TMEM178B: variants seen among roughly 807,000 people sequenced by gnomAD.
TMEM178B encodes transmembrane protein 178B.
In TMEM178B, 5 loss-of-function variants were observed where a neutral mutation model predicts 31.0. The observed-to-expected ratio is 0.16, with a 90% confidence interval of 0.08 to 0.34. TMEM178B has a LOEUF of 0.34. TMEM178B is among the 10% of genes least tolerant of loss of function. The pLI is 1.00. For synonymous variants in TMEM178B, 164 were observed against 164.0 expected, an observed-to-expected ratio of 1.00 and a Z score of 0.00; for missense variants, 275 against 400.3, an observed-to-expected ratio of 0.69 and a Z score of 2.67.
chr7:141,142,411 CTT>C (rs536091548), intron 1 of TMEM178B, among the ~76,000 whole-genome samples: 19 of 137,190 alleles, frequency 1.4e-4, no homozygotes, highest in Admixed American at 3.6e-4. Context: ...TCTTTTCTTT[CTT>C]TTTTTTTTTT....
At chr7:141,165,657 T>C (rs1288860412) in intron 1 of TMEM178B, among the ~76,000 whole-genome samples, 1 of 152,214 alleles carries the variant, frequency 6.6e-6, no homozygotes, top group Non-Finnish European at 1.5e-5. Flanking sequence ...TTCAAAGGCA[T>C]GTTCCTGGAA....
rs371322155 is a variant in TMEM178B, at chr7:141,356,181, CA to C, written c.497-81424del. ...TGTGAATAGTGCTGTGATGAACATACAAATGCATGTATTTTTTTGTAGAATG... is the reference window on the plus strand; with the variant it reads ...TGTGAATAGTGCTGTGATGAACATACAATGCATGTATTTTTTTGTAGAATG... On this transcript the variant is annotated intron_variant, in intron 2 of 3. Transcript: ENST00000565468. Among the ~76,000 whole-genome samples the C allele has an allele frequency of 4.8e-3, 735 of 152,270 alleles. 9 individuals are homozygous for C. The highest frequency in any genetic ancestry group is 0.017 in the African/African-American group (697 of 41,558).
At position 141,479,647 on chromosome 7, in the gene TMEM178B, T is replaced by C. The variant is rs1802438847; in HGVS notation, c.*8861T>C. 1 of 152,210 alleles carries C rather than the reference T, an allele frequency of 6.6e-6. No individual in the cohort carries two copies. Among genetic ancestry groups the C allele is most frequent in the Admixed American group, 6.5e-5 (1 of 15,278 alleles). The allele number at this position is 152,210 out of a possible 1,614,324, so 9.4% of individuals were successfully genotyped here. A position where few individuals can be genotyped will look rare whatever the true frequency, so the allele number is the denominator to read the frequency against. ...TTAAAATATAACATTCTGAGCCCTG[T>C]GTTACTGAGCAAAAATGAGCTGATT... On this transcript the variant is annotated 3_prime_UTR_variant, in exon 4 of 4. Coordinates refer to ENST00000565468, the MANE Select transcript of TMEM178B (RefSeq NM_001195278.2).
At chr7:141,336,942 C>G (rs62642068) in intron 2 of TMEM178B, among the ~76,000 whole-genome samples, 15 of 117,800 alleles carry the variant, frequency 1.3e-4, no homozygotes, top group African/African-American at 4.5e-4. Context: ...ATCACCACCA[C>G]CATCACCACC....
At chr7:141,397,584 C>T (rs879374076) in intron 2 of TMEM178B, among the ~76,000 whole-genome samples, 2 of 152,160 alleles carry the variant, frequency 1.3e-5, no homozygotes, top group South Asian at 2.1e-4. Context: ...AGTAAATACC[C>T]GTCAGCCCAT....
intron 3 of TMEM178B, among the ~76,000 whole-genome samples, chr7:141,462,274 A>G (rs1314232880): frequency 4.6e-5 from 7 of 152,198 alleles, no homozygotes; most frequent in Non-Finnish European, 1.0e-4. Context: ...AAGACTTTGA[A>G]GGAATAAAAT....
At chr7:141,381,856 C>T (rs1281860136) in intron 2 of TMEM178B, among the ~76,000 whole-genome samples, 1 of 152,114 alleles carries the variant, frequency 6.6e-6, no homozygotes, top group Non-Finnish European at 1.5e-5. Context: ...CTAGAATGTT[C>T]CCCATTTTTA....
chr7:141,229,973 T>G (rs1464820005), intron 2 of TMEM178B, among the ~76,000 whole-genome samples: 1 of 152,252 alleles, frequency 6.6e-6, no homozygotes, highest in Non-Finnish European at 1.5e-5. Context: ...TTATACTTTA[T>G]AATTTTGTAT....
intron 2 of TMEM178B, among the ~76,000 whole-genome samples, chr7:141,313,563 C>G (rs1237659859): frequency 3.9e-5 from 6 of 152,308 alleles, no homozygotes; most frequent in African/African-American, 1.4e-4. Flanking sequence ...AGAATGAAGG[C>G]ATTAATTCCT....
Position 141,461,094 on chromosome 7 carries a change from C to T in TMEM178B, c.635-9442C>T, listed in dbSNP as rs563366521. 2.3e-4 allele frequency among the ~76,000 whole-genome samples: 35 copies of T among 152,282 alleles called. No individual in the cohort carries two copies. Among genetic ancestry groups the T allele is most frequent in the African/African-American group, 7.0e-4 (29 of 41,542 alleles). ...GTTTTGTATCATCTACTTCCCAGGACGGATGTGCCACTGTTGAAGGAGGAG... is the reference window on the plus strand; with the variant it reads ...GTTTTGTATCATCTACTTCCCAGGATGGATGTGCCACTGTTGAAGGAGGAG... On this transcript the variant is annotated intron_variant, in intron 3 of 3. Transcript: ENST00000565468. The surrounding 1 kb of genome is among the most constrained non-coding windows in gnomAD (Gnocchi z 4.0).
intron 3 of TMEM178B, among the ~76,000 whole-genome samples, chr7:141,446,698 T>C (rs1213881862): frequency 2.6e-5 from 4 of 152,152 alleles, no homozygotes; most frequent in African/African-American, 7.2e-5. Flanking sequence ...GGAAAGTTTC[T>C]TATCCATTTT....
At chr7:141,291,733 G>A (rs1025657701) in intron 2 of TMEM178B, among the ~76,000 whole-genome samples, 8 of 151,864 alleles carry the variant, frequency 5.3e-5, no homozygotes, top group South Asian at 2.1e-4. Context: ...GACAACAAAC[G>A]CCTTTTGGTC....
chr7:141,284,736 A>G (rs1798416570), intron 2 of TMEM178B, among the ~76,000 whole-genome samples: 1 of 152,206 alleles, frequency 6.6e-6, no homozygotes. Flanking sequence ...TGAATGACCA[A>G]CAACACTACT....
intron 2 of TMEM178B, among the ~76,000 whole-genome samples, chr7:141,338,920 T>C (rs1799470135): frequency 6.6e-6 from 1 of 152,180 alleles, no homozygotes; most frequent in South Asian, 2.1e-4. Flanking sequence ...AACTGTGCAA[T>C]GGGGAGCTAC....
chr7:141,139,238 T>C (rs1338540914), intron 1 of TMEM178B, among the ~76,000 whole-genome samples: 4 of 152,226 alleles, frequency 2.6e-5, no homozygotes, highest in African/African-American at 4.8e-5. Context: ...TATGCAAAGA[T>C]GAGTTTGGTT....
chr7:141,324,439 T>TTG (rs1799154720), intron 2 of TMEM178B, among the ~76,000 whole-genome samples: 1 of 126,046 alleles, frequency 7.9e-6, no homozygotes, highest in African/African-American at 2.8e-5. Context: ...TTTTTTTTTT[T>TTG]TTTTTTTTTT....
At chr7:141,245,226 G>A (rs1259908181) in intron 2 of TMEM178B, among the ~76,000 whole-genome samples, 3 of 144,700 alleles carry the variant, frequency 2.1e-5, no homozygotes, top group Non-Finnish European at 3.0e-5. Context: ...ATGCACAGGG[G>A]AGGTAGGAGG....
rs1179131184 is a variant in TMEM178B at position 141,285,150 on chromosome 7, G to GTTTTTTTTTT, written c.496+72449_496+72450insTTTTTTTTTT. ...CCCCAGGATCCAATTCAGGATTCTTGTTTCTTTTTTTTTTTTTTTTTTTTT... is the reference window on the plus strand; with the variant it reads ...CCCCAGGATCCAATTCAGGATTCTTGTTTTTTTTTTTTTCTTTTTTTTTTTTTTTTTTTTT... On this transcript the variant is annotated intron_variant, in intron 2 of 3. Coordinates refer to ENST00000565468, the MANE Select transcript of TMEM178B (RefSeq NM_001195278.2). 1.4e-4 allele frequency among the ~76,000 whole-genome samples: 11 copies of GTTTTTTTTTT among 78,958 alleles called. 2 individuals carry two copies. The highest frequency in any genetic ancestry group is 1.9e-4 in the African/African-American group (4 of 21,062). 51.8% of individuals were successfully genotyped at this position (78,958 alleles called of 152,430 possible). A position where few individuals can be genotyped will look rare whatever the true frequency, so the allele number is the denominator to read the frequency against.
chr7:141,449,643 G>A (rs893102717), intron 3 of TMEM178B, among the ~76,000 whole-genome samples: 2 of 152,188 alleles, frequency 1.3e-5, no homozygotes, highest in Non-Finnish European at 2.9e-5. Context: ...TGTGCAGACA[G>A]GAGGGAGGGT....
Sources: gnomAD v4.1 joint callset for allele counts (sites outside exome capture counted in the v4.1 genomes callset) on GRCh38, gnomAD v4.1.1 for gene constraint, Gnocchi (gnomAD v3.1) non-coding constraint, MANE v1.5 for transcripts, NCBI Gene and HGNC (gene_info 2026-07-23, HGNC 2026-07-21) for gene names.